The following BNIP3 variants were observed in gnomAD, a reference collection of about 807,000 sequenced individuals.
BNIP3 encodes the protein BCL2 interacting protein 3, also known as BCL2/adenovirus E1B 19 kDa protein-interacting protein 3.
BNIP3 carries 16 observed loss-of-function variants against 23.9 expected under a neutral mutation model. That is an observed-to-expected ratio of 0.67 (90% CI 0.45 to 1.01). The LOEUF is 1.01. Among genes scored for constraint, BNIP3 ranks in the 50% least tolerant of loss-of-function variants. The pLI, the probability that BNIP3 is intolerant of heterozygous loss-of-function variation, is 0.00. For synonymous variants in BNIP3, 81 were observed against 89.3 expected (o/e 0.91, Z 0.53); for missense variants, 198 against 248.7 (o/e 0.80, Z 1.37).
intron 1 of BNIP3, among the ~76,000 whole-genome samples, chr10:131,978,569 C>T (rs1178478149): frequency 1.3e-5 from 2 of 152,140 alleles, no homozygotes; most frequent in East Asian, 1.9e-4. Flanking sequence ...GTGGAGTAAA[C>T]ACAGGGCCAA....
At chr10:131,969,426 G>A (rs931620783) in intron 5 of BNIP3, 7 of 152,220 alleles carry the variant, frequency 4.6e-5, no homozygotes, top group African/African-American at 1.7e-4. Flanking sequence ...AAACTGCCTG[G>A]TGATGCTGAT....
intron 5 of BNIP3, 70 bp from the exon 6 acceptor site, chr10:131,968,639 G>A (rs1436746646): frequency 5.0e-6 from 7 of 1,408,876 alleles, no homozygotes; most frequent in Non-Finnish European, 6.0e-6. Flanking sequence ...AGCTGAAACA[G>A]GGTAGCTCAC....
chr10:131,981,765 C>A lies in BNIP3; in HGVS notation c.42G>T (p.Leu14=). Residue 14 remains leucine (L), a synonymous_variant, in exon 1 of 6, where the codon CTG becomes CTT. Transcript: ENST00000368636. The part of the protein sequence containing the change: ...NGAPGMQEES[L]QGSWVELHFS... ...GCGCCGCCTCCTCCGCCTCACCCTG[C>A]AGGCTCTCCTCCTGCATCCCGGGCG... The A allele has an allele frequency of 6.8e-7, 1 of 1,477,758 alleles. No individual in the cohort carries two copies. Among genetic ancestry groups the A allele is most frequent in the South Asian group, 1.3e-5 (1 of 77,490 alleles). 91.5% of individuals were successfully genotyped at this position (1,477,758 alleles called of 1,614,324 possible). A position where few individuals can be genotyped will look rare whatever the true frequency, so the allele number is the denominator to read the frequency against.
chr10:131,980,215 C>T (rs553837802), intron 1 of BNIP3: 1 of 152,328 alleles, frequency 6.6e-6, no homozygotes, highest in East Asian at 1.9e-4. Context: ...CCCCGGAGCC[C>T]CCTCCACCTC....
At chr10:131,981,628 A>T in intron 1 of BNIP3, 133 bp downstream of exon 1, 1 of 1,121,354 alleles carries the variant, frequency 8.9e-7, no homozygotes, top group Non-Finnish European at 1.2e-6. Context: ...ACGGAAGGGG[A>T]GGATGGCGCA....
At chr10:131,972,208 CACA>C (rs1355561827) in intron 3 of BNIP3, among the ~76,000 whole-genome samples, 1 of 152,146 alleles carries the variant, frequency 6.6e-6, no homozygotes, top group African/African-American at 2.4e-5. Flanking sequence ...ACTCCGCTTT[CACA>C]ACAATGCTGA....
intron 1 of BNIP3, among the ~76,000 whole-genome samples, chr10:131,974,986 G>A (rs377253600): frequency 1.2e-4 from 19 of 152,340 alleles, no homozygotes; most frequent in South Asian, 1.2e-3. Flanking sequence ...TATGTTGCAA[G>A]TAACTTTCCC....
At chr10:131,971,170 C>T (rs1368815689) in intron 3 of BNIP3, 200 bp from the exon 4 acceptor site, 6 of 581,292 alleles carry the variant, frequency 1.0e-5, no homozygotes, top group Non-Finnish European at 1.8e-5. Context: ...GCTCACAGCA[C>T]GCTCGCCGCC....
intron 1 of BNIP3, among the ~76,000 whole-genome samples, chr10:131,975,600 A>C (rs1387975284): frequency 6.6e-6 from 1 of 152,184 alleles, no homozygotes; most frequent in Non-Finnish European, 1.5e-5. Context: ...AGGCAGGTGC[A>C]CAGCTTTCCA....
intron 2 of BNIP3, 101 bp downstream of exon 2, chr10:131,973,692 C>T: frequency 2.0e-6 from 3 of 1,514,016 alleles, no homozygotes; most frequent in Non-Finnish European, 2.7e-6. Flanking sequence ...AGGCGAACAG[C>T]AGCCCACTGT....
chr10:131,980,680 T>C (rs2037112665), intron 1 of BNIP3: 1 of 151,546 alleles, frequency 6.6e-6, no homozygotes, highest in South Asian at 2.1e-4. Context: ...AGTAAAATCT[T>C]TTTTTTTGTA....
At chr10:131,974,461 C>T (rs1225279305) in intron 1 of BNIP3, among the ~76,000 whole-genome samples, 9 of 152,214 alleles carry the variant, frequency 5.9e-5, no homozygotes, top group African/African-American at 2.2e-4. Flanking sequence ...GATGAAGGCT[C>T]ACTATAATCT....
At chr10:131,971,663 GAAAT>G (rs1564834752) in intron 3 of BNIP3, 1 of 151,352 alleles carries the variant, frequency 6.6e-6, no homozygotes, top group African/African-American at 2.4e-5. Context: ...CAAAAAAAAA[GAAAT>G]AAAATTGAAA....
At chr10:131,971,391 G>C in intron 3 of BNIP3, 1 of 231,094 alleles carries the variant, frequency 4.3e-6, no homozygotes, top group Admixed American at 5.2e-5. Flanking sequence ...CGAAGGAAGG[G>C]ACACTGTATA....
rs369026963 is a variant in BNIP3 at position 131,973,907 on chromosome 10, T to C, written c.83A>G (p.Asn28Ser). ...WVELHFSNNG[N>S]GGSVPASVSI... ...AACCGAGGCTGGAACGCTGCCCCCGTTCCCATTATTGCTGAAGTGCAGTTC... is the reference window on the plus strand; with the variant it reads ...AACCGAGGCTGGAACGCTGCCCCCGCTCCCATTATTGCTGAAGTGCAGTTC... The change falls in exon 2 of 6, where the codon AAC (asparagine) becomes AGC (serine). Residue 28 changes from asparagine to serine, a missense_variant. By Grantham distance (46) the Asn-to-Ser change is conservative. Transcript: ENST00000368636. The C allele has an allele frequency of 5.0e-6, 8 of 1,613,724 alleles. No individual in the cohort carries two copies. The African/African-American group carries it at 1.1e-4, about 22-fold the overall frequency.
At position 131,970,866 on chromosome 10, in the gene BNIP3, G is replaced by A. The variant is rs752562608; in HGVS notation, c.387C>T (p.Pro129=). 38 of 1,614,176 alleles carry A rather than the reference G, an allele frequency of 2.4e-5. No homozygotes were observed. Among genetic ancestry groups the A allele is most frequent in the Non-Finnish European group, 3.2e-5 (38 of 1,179,992 alleles). The change falls in exon 4 of 6, where the codon CCC becomes CCT. Residue 129 remains proline, a splice_region_variant and synonymous_variant. Coordinates refer to ENST00000368636, the MANE Select transcript of BNIP3 (RefSeq NM_004052.4). This position sits in a 1 kb window ranked among gnomAD's most constrained non-coding sequence, Gnocchi z 4.1. ...DWSSRPENIP[P]KEFLFKHPKR... ...CGTGACACTGAGAACACACTCACTT[G>A]GGGGGAATATTTTCCGGCCGACTTG...
At chr10:131,973,494 T>C in intron 2 of BNIP3, 1 of 487,318 alleles carries the variant, frequency 2.1e-6, no homozygotes, top group East Asian at 3.5e-5. Context: ...CCGCTCCTCC[T>C]GCGACCACAG....
intron 1 of BNIP3, among the ~76,000 whole-genome samples, chr10:131,975,726 G>A (rs561917858): frequency 6.6e-6 from 1 of 152,324 alleles, no homozygotes; most frequent in East Asian, 1.9e-4. Flanking sequence ...GGAAGGAAAA[G>A]TGGATTTGCA....
chr10:131,972,904 G>C (rs2037047843), intron 3 of BNIP3, 130 bp downstream of exon 3: 2 of 881,962 alleles, frequency 2.3e-6, no homozygotes, highest in South Asian at 3.4e-5. Context: ...TCGCTTTTTT[G>C]TTTTTTTTAA....
Sources: allele counts gnomAD v4.1 joint callset (sites outside exome capture counted in the v4.1 genomes callset), GRCh38; gene constraint gnomAD v4.1.1; non-coding constraint Gnocchi (gnomAD v3.1); transcripts MANE v1.5; gene names NCBI Gene and HGNC (gene_info 2026-07-23, HGNC 2026-07-21).